PPP3CA: variants seen among roughly 807,000 people sequenced by gnomAD.
PPP3CA encodes the protein CAM-PRP catalytic subunit.
In PPP3CA, 14 loss-of-function variants were observed where a neutral mutation model predicts 66.5. The observed-to-expected ratio is 0.21, with a 90% CI of 0.14 to 0.33. The LOEUF (loss-of-function observed/expected upper bound fraction) is 0.33, where lower values mean the gene tolerates loss of function less well. Ranked by LOEUF, PPP3CA falls within the 10% of genes least tolerant of loss-of-function variation. The pLI is 1.00. For synonymous variants in PPP3CA, 232 were observed against 226.2 expected (o/e 1.03, Z -0.23); for missense variants, 317 against 639.5 (o/e 0.50, Z 5.44).
intron 1 of PPP3CA, among the ~76,000 whole-genome samples, chr4:101,282,628 A>C (rs1469066574): frequency 6.6e-6 from 1 of 152,172 alleles, no homozygotes; most frequent in Non-Finnish European, 1.5e-5. Context: ...AACCCAAATA[A>C]TACTATTGTC....
chr4:101,028,344 A>T (rs1726765660), intron 13 of PPP3CA, among the ~76,000 whole-genome samples: 1 of 152,212 alleles, frequency 6.6e-6, no homozygotes, highest in South Asian at 2.1e-4. Flanking sequence ...ATATATTTAA[A>T]CAACAGTCAA....
At chr4:101,119,955 T>C (rs142592315) in intron 2 of PPP3CA, among the ~76,000 whole-genome samples, 39 of 152,252 alleles carry the variant, frequency 2.6e-4, no homozygotes, top group South Asian at 1.4e-3. Context: ...ATGTGCAGCA[T>C]ATTTGGAAAT....
chr4:101,344,425 AAC>A (rs1177942630), intron 1 of PPP3CA, among the ~76,000 whole-genome samples: 1 of 152,248 alleles, frequency 6.6e-6, no homozygotes, highest in Non-Finnish European at 1.5e-5. Flanking sequence ...GATAAACAAT[AAC>A]AGTGTATCCA....
At chr4:101,142,121 A>G (rs959247333) in intron 2 of PPP3CA, among the ~76,000 whole-genome samples, 4 of 152,202 alleles carry the variant, frequency 2.6e-5, no homozygotes, top group Admixed American at 2.6e-4. Context: ...AATAATACAT[A>G]ATACAATTAA....
intron 3 of PPP3CA, among the ~76,000 whole-genome samples, chr4:101,106,859 C>T (rs1730778112): frequency 6.6e-6 from 1 of 152,172 alleles, no homozygotes; most frequent in South Asian, 2.1e-4. Flanking sequence ...GCAGATGGAG[C>T]CTAGGCCCTG....
chr4:101,125,502 T>G (rs1434389758), intron 2 of PPP3CA, among the ~76,000 whole-genome samples: 1 of 152,120 alleles, frequency 6.6e-6, no homozygotes, highest in Non-Finnish European at 1.5e-5. Context: ...CAGGGAATGG[T>G]GCATACTGAC....
At chr4:101,192,234 A>G (rs1724630068) in intron 2 of PPP3CA, among the ~76,000 whole-genome samples, 1 of 152,168 alleles carries the variant, frequency 6.6e-6, no homozygotes. Flanking sequence ...CTCATTTTAT[A>G]AAAGGTCTTG....
chr4:101,228,885 T>C (rs1485023795), intron 1 of PPP3CA, among the ~76,000 whole-genome samples: 1 of 151,722 alleles, frequency 6.6e-6, no homozygotes, highest in South Asian at 2.1e-4. Flanking sequence ...CCAGAAAGTT[T>C]AGTTGGTGCT....
Position 101,024,133 on chromosome 4 carries a change from T to C in PPP3CA, c.*1732A>G, listed in dbSNP as rs1726512727. The C allele has an allele frequency of 1.3e-5, 2 of 152,240 alleles. No homozygotes were observed. The highest frequency in any genetic ancestry group is 1.3e-4 in the Admixed American group (2 of 15,286). 9.4% of individuals were successfully genotyped at this position (152,240 alleles called of 1,614,324 possible). On this transcript the variant is annotated 3_prime_UTR_variant, in exon 14 of 14. Coordinates refer to ENST00000394854, the MANE Select transcript of PPP3CA (RefSeq NM_000944.5). ...GCTCTTTAAACAGGCTTCTCTTATC[T>C]GATTTGAGACACAAATCCACCAAGA... is the stretch of plus-strand genomic sequence containing the variant.
intron 2 of PPP3CA, among the ~76,000 whole-genome samples, chr4:101,125,919 T>G (rs1389916763): frequency 6.6e-6 from 1 of 152,210 alleles, no homozygotes; most frequent in Admixed American, 6.5e-5. Flanking sequence ...CCTCATCACT[T>G]TCTTCTCACT....
At chr4:101,051,139 C>G (rs1378104732) in intron 10 of PPP3CA, among the ~76,000 whole-genome samples, 4 of 152,004 alleles carry the variant, frequency 2.6e-5, no homozygotes, top group African/African-American at 9.7e-5. Flanking sequence ...CTACAGAGTT[C>G]TGAGACAAAA....
intron 2 of PPP3CA, among the ~76,000 whole-genome samples, chr4:101,155,301 T>C (rs974513026): frequency 6.6e-6 from 1 of 152,114 alleles, no homozygotes; most frequent in Non-Finnish European, 1.5e-5. Flanking sequence ...GAATGCATAA[T>C]AAAAGAGTAG....
intron 1 of PPP3CA, chr4:101,250,472 T>C (rs1158848297): frequency 3.9e-5 from 15 of 385,700 alleles, no homozygotes; most frequent in Non-Finnish European, 1.0e-5. Context: ...TAAACTTATG[T>C]GAAGCTCTGT....
intron 1 of PPP3CA, among the ~76,000 whole-genome samples, chr4:101,288,601 G>C (rs867054773): frequency 1.1e-4 from 17 of 151,612 alleles, no homozygotes; most frequent in African/African-American, 3.9e-4. Flanking sequence ...CGGGAAGGAG[G>C]GGAAGGAGGA....
chr4:101,033,436 A>G (rs532785958), intron 11 of PPP3CA, among the ~76,000 whole-genome samples: 128 of 152,236 alleles, frequency 8.4e-4, no homozygotes, highest in Non-Finnish European at 1.5e-3. Context: ...TGCTGCTTCC[A>G]CAATCTGTCT....
intron 8 of PPP3CA, among the ~76,000 whole-genome samples, chr4:101,074,300 T>C (rs1729051337): frequency 6.6e-6 from 1 of 152,146 alleles, no homozygotes; most frequent in East Asian, 1.9e-4. Flanking sequence ...CATCTCCCTC[T>C]CAGAAAGATC....
At chr4:101,137,533 G>T (rs754545192) in intron 2 of PPP3CA, among the ~76,000 whole-genome samples, 1 of 152,044 alleles carries the variant, frequency 6.6e-6, no homozygotes, top group Non-Finnish European at 1.5e-5. Flanking sequence ...CAGCTTCTCT[G>T]TGGAGCACCT....
intron 1 of PPP3CA, among the ~76,000 whole-genome samples, chr4:101,283,487 A>G (rs1053474564): frequency 6.6e-6 from 1 of 152,228 alleles, no homozygotes; most frequent in African/African-American, 2.4e-5. Flanking sequence ...AAAGGTAAAT[A>G]AGTCAGGTGC....
chr4:101,079,968 C>T (rs1458567882), intron 8 of PPP3CA, among the ~76,000 whole-genome samples: 8 of 152,180 alleles, frequency 5.3e-5, no homozygotes. Flanking sequence ...CAATTAACCA[C>T]AGGAACTCAG....
Sources: gnomAD v4.1 joint callset for allele counts (sites outside exome capture counted in the v4.1 genomes callset) on GRCh38, gnomAD v4.1.1 for gene constraint, MANE v1.5 for transcripts, NCBI Gene and HGNC (gene_info 2026-07-23, HGNC 2026-07-21) for gene names.